The following CCDC88C variants were observed in gnomAD, a reference collection of about 807,000 sequenced individuals.
CCDC88C encodes coiled-coil and HOOK domain protein 88C, also known as protein Daple.
In CCDC88C, 131 loss-of-function variants were observed where a neutral mutation model predicts 198.8. The observed-to-expected ratio is 0.66, with a 90% CI of 0.57 to 0.76. The LOEUF (loss-of-function observed/expected upper bound fraction) is 0.76, where lower values mean the gene tolerates loss of function less well. Ranked by LOEUF, CCDC88C falls within the 30% of genes least tolerant of loss-of-function variation. The pLI is 0.00. For synonymous variants in CCDC88C, 1,166 were observed against 1,114.7 expected (o/e 1.05, Z -0.92); for missense variants, 2,553 against 2,631.6 (o/e 0.97, Z 0.65).
At chr14:91,308,223 T>G (rs1891644350) in intron 17 of CCDC88C, 128 bp downstream of exon 17, 1 of 1,080,804 alleles carries the variant, frequency 9.3e-7, no homozygotes, top group Non-Finnish European at 1.3e-6. Flanking sequence ...TCAGTCACTC[T>G]GTGGCGCATC....
At chr14:91,362,313 A>G (rs1894345315) in intron 3 of CCDC88C, among the ~76,000 whole-genome samples, 1 of 151,970 alleles carries the variant, frequency 6.6e-6, no homozygotes, top group Non-Finnish European at 1.5e-5. Flanking sequence ...CCAGCAAACC[A>G]GCCACAATCC....
Position 91,343,583 on chromosome 14 carries a change from C to A in CCDC88C, c.399+16G>T. 1 of 1,613,538 alleles carries A rather than the reference C, an allele frequency of 6.2e-7. No homozygotes were observed. Among genetic ancestry groups the A allele is most frequent in the South Asian group, 1.1e-5 (1 of 91,056 alleles). On this transcript the variant is annotated intron_variant, in intron 5 of 29. Transcript: ENST00000389857. ...CTGGGGTAGGTCCCTCTGCTGCAGC[C>A]CTGCCCAATCCCTACCTGGACAGCA...
chr14:91,354,425 C>T (rs941945993), intron 4 of CCDC88C, among the ~76,000 whole-genome samples: 1 of 152,226 alleles, frequency 6.6e-6, no homozygotes, highest in Non-Finnish European at 1.5e-5. Context: ...GACGTGAGCT[C>T]TTGCTTCTCA....
chr14:91,302,485 C>T (rs1466607425), intron 20 of CCDC88C, among the ~76,000 whole-genome samples: 1 of 152,198 alleles, frequency 6.6e-6, no homozygotes, highest in Admixed American at 6.5e-5. Flanking sequence ...TGCGCAGGTG[C>T]CTGGTACCAT....
In CCDC88C at chr14:91,325,104, C is replaced by G. The variant is rs1195241359; in HGVS notation, c.1198-181G>C. 6.6e-6 allele frequency among the ~76,000 whole-genome samples: 1 copy of G among 152,168 alleles called. No homozygotes were observed. Among genetic ancestry groups the G allele is most frequent in the Non-Finnish European group, 1.5e-5 (1 of 68,022 alleles). On this transcript the variant is annotated intron_variant, in intron 11 of 29. Transcript: ENST00000389857. This position sits in a 1 kb window ranked among gnomAD's most constrained non-coding sequence, Gnocchi z 4.1. Reference sequence around the variant, plus strand: ...AGGGCCCTGCTATGAGAGGGAAAGCCACTCAAAGGTACCCTGACCTGGCTA... The same window carrying G: ...AGGGCCCTGCTATGAGAGGGAAAGCGACTCAAAGGTACCCTGACCTGGCTA...
chr14:91,398,962 G>T (rs1886012179), intron 3 of CCDC88C, among the ~76,000 whole-genome samples: 1 of 152,140 alleles, frequency 6.6e-6, no homozygotes, highest in South Asian at 2.1e-4. Flanking sequence ...CAGCTGAGTG[G>T]TCTCCTGGGC....
Position 91,305,779 on chromosome 14 carries a change from T to C in CCDC88C, c.3343A>G (p.Thr1115Ala). The C allele has an allele frequency of 6.2e-7, 1 of 1,601,082 alleles. No homozygotes were observed. The highest frequency in any genetic ancestry group is 8.6e-7 in the Non-Finnish European group (1 of 1,169,032). Residue 1115 changes from threonine to alanine, a missense_variant, in exon 19 of 30, where the codon ACC becomes GCC. Around this residue, in one of 2 missense-constraint regions of CCDC88C, gnomAD observed 1,260 missense variants for 1,412.0 expected, o/e 0.89. Transcript: ENST00000389857. ...QEHNTTLQTQTAKLQVENSTL... is the reference protein window; with the variant it reads ...QEHNTTLQTQAAKLQVENSTL... ...GCCCCGCTCACCTGCAGCTTGGCGG[T>C]CTGGGTCTGCAGTGTGGTGTTGTGC...
chr14:91,361,344 C>T (rs1490364428), intron 3 of CCDC88C, among the ~76,000 whole-genome samples: 2 of 152,156 alleles, frequency 1.3e-5, no homozygotes, highest in East Asian at 1.9e-4. Flanking sequence ...AACTAGCACT[C>T]GAGAAGAAGA....
chr14:91,317,346 G>A (rs1190201060), intron 13 of CCDC88C, among the ~76,000 whole-genome samples: 1 of 152,246 alleles, frequency 6.6e-6, no homozygotes, highest in Non-Finnish European at 1.5e-5. Context: ...GTGGGACTCA[G>A]CAGGGCCAAC....
intron 3 of CCDC88C, among the ~76,000 whole-genome samples, chr14:91,394,396 C>T (rs1885710649): frequency 6.6e-6 from 1 of 152,172 alleles, no homozygotes; most frequent in Non-Finnish European, 1.5e-5. Context: ...GTCAGGGACA[C>T]AGAGGAACAA....
At chr14:91,309,349 T>C (rs1461579761) in intron 16 of CCDC88C, among the ~76,000 whole-genome samples, 1 of 152,166 alleles carries the variant, frequency 6.6e-6, no homozygotes, top group Non-Finnish European at 1.5e-5. Context: ...ACACCTGTAA[T>C]CCCAGCATTT....
At chr14:91,376,146 C>T (rs1367998236) in intron 3 of CCDC88C, among the ~76,000 whole-genome samples, 2 of 118,326 alleles carry the variant, frequency 1.7e-5, no homozygotes, top group Admixed American at 8.4e-5. Flanking sequence ...TTGTCACTCC[C>T]GCTGCTGCCC....
intron 3 of CCDC88C, among the ~76,000 whole-genome samples, chr14:91,403,917 G>C (rs1273725615): frequency 6.6e-6 from 1 of 152,256 alleles, no homozygotes; most frequent in African/African-American, 2.4e-5. Flanking sequence ...GGGCGACAGA[G>C]AGAGACCCTA....
At chr14:91,410,440 CA>C (rs1422293983) in intron 2 of CCDC88C, among the ~76,000 whole-genome samples, 1 of 151,292 alleles carries the variant, frequency 6.6e-6, no homozygotes, top group Non-Finnish European at 1.5e-5. Flanking sequence ...AGAAAATTGA[CA>C]AAGGAAAAAA....
chr14:91,384,689 T>C (rs1397467069), intron 3 of CCDC88C: 2 of 363,120 alleles, frequency 5.5e-6, no homozygotes, highest in African/African-American at 2.1e-5. Flanking sequence ...CATCAGCTGC[T>C]CTCTCCAACA....
intron 3 of CCDC88C, among the ~76,000 whole-genome samples, chr14:91,388,920 G>A (rs971132813): frequency 6.6e-6 from 1 of 152,202 alleles, no homozygotes; most frequent in Non-Finnish European, 1.5e-5. Flanking sequence ...TGAATGTGCT[G>A]AGGTGGCAGG....
chr14:91,302,677 G>A (rs955257483), intron 20 of CCDC88C, among the ~76,000 whole-genome samples: 3 of 152,176 alleles, frequency 2.0e-5, no homozygotes, highest in African/African-American at 7.2e-5. Flanking sequence ...AGAACAGCAG[G>A]ACATAAATGA....
At chr14:91,333,964 T>C (rs1441955358) in intron 10 of CCDC88C, among the ~76,000 whole-genome samples, 1 of 152,244 alleles carries the variant, frequency 6.6e-6, no homozygotes, top group African/African-American at 2.4e-5. Flanking sequence ...AGTGCCTGTT[T>C]TCCCGCTGAC....
chr14:91,309,725 T>A (rs1891730885), intron 16 of CCDC88C, 134 bp downstream of exon 16: 3 of 848,560 alleles, frequency 3.5e-6, no homozygotes, highest in Non-Finnish European at 4.9e-6. Context: ...GAACTTTGGG[T>A]TCAAGGAACC....
Sources: allele counts gnomAD v4.1 joint callset (sites outside exome capture counted in the v4.1 genomes callset), GRCh38; gene constraint gnomAD v4.1.1; regional missense constraint gnomAD v4.1.1; non-coding constraint Gnocchi (gnomAD v3.1); transcripts MANE v1.5; gene names NCBI Gene and HGNC (gene_info 2026-07-23, HGNC 2026-07-21).